ARHGAP19: variants seen among roughly 807,000 people sequenced by gnomAD.
ARHGAP19 encodes rho GTPase-activating protein 19.
ARHGAP19 carries 48 observed loss-of-function variants against 60.9 expected under a neutral mutation model. That is an observed-to-expected ratio of 0.79 (90% confidence interval 0.62 to 1.00). The LOEUF (loss-of-function observed/expected upper bound fraction) is 1.00, where lower values mean the gene tolerates loss of function less well. Ranked by LOEUF, ARHGAP19 falls within the 50% of genes least tolerant of loss-of-function variation. The probability of loss-of-function intolerance (pLI) is 0.00; values close to 1 mark genes in which losing one functional copy is unlikely to be tolerated. For missense variants in ARHGAP19, 562 were observed against 597.2 expected (o/e 0.94, Z 0.61); for synonymous variants, 209 against 215.5 (o/e 0.97, Z 0.27).
At chr10:97,259,192 G>A (rs1008316010) in intron 5 of ARHGAP19, among the ~76,000 whole-genome samples, 2 of 152,166 alleles carry the variant, frequency 1.3e-5, no homozygotes, top group Non-Finnish European at 2.9e-5. Flanking sequence ...TGCCATGTAG[G>A]TTTACCAGAG....
At chr10:97,228,726 C>T (rs542567939) in intron 11 of ARHGAP19, among the ~76,000 whole-genome samples, 10 of 152,252 alleles carry the variant, frequency 6.6e-5, no homozygotes, top group East Asian at 1.9e-4. Context: ...TCCTTAGGCA[C>T]GAGCTGTTGA....
At chr10:97,273,743 C>T (rs1202678393) in intron 1 of ARHGAP19, among the ~76,000 whole-genome samples, 1 of 151,998 alleles carries the variant, frequency 6.6e-6, no homozygotes, top group African/African-American at 2.4e-5. Context: ...CCCACCTTGG[C>T]CTCTCAAAGT....
At chr10:97,292,429 G>T in intron 1 of ARHGAP19, 143 bp downstream of exon 1, 2 of 1,113,634 alleles carry the variant, frequency 1.8e-6, no homozygotes, top group Non-Finnish European at 2.6e-6. Context: ...CCGCGCCTCA[G>T]CCCCCGCAGG....
chr10:97,282,102 G>A (rs570252517), intron 1 of ARHGAP19, among the ~76,000 whole-genome samples: 5 of 152,028 alleles, frequency 3.3e-5, no homozygotes, highest in African/African-American at 1.2e-4. Flanking sequence ...CCCATCTTTC[G>A]AATCTATGTG....
intron 9 of ARHGAP19, among the ~76,000 whole-genome samples, chr10:97,234,678 A>G (rs1286678087): frequency 6.6e-6 from 1 of 152,242 alleles, no homozygotes; most frequent in Non-Finnish European, 1.5e-5. Flanking sequence ...TAGCAGCAAT[A>G]ACATAGAAGC....
At chr10:97,268,010 T>C (rs1316914568) in intron 1 of ARHGAP19, among the ~76,000 whole-genome samples, 1 of 152,258 alleles carries the variant, frequency 6.6e-6, no homozygotes, top group African/African-American at 2.4e-5. Flanking sequence ...CTTGAATTTC[T>C]CTGCAGAAAA....
chr10:97,235,189 G>C, intron 9 of ARHGAP19, 28 bp downstream of exon 9: 1 of 1,546,644 alleles, frequency 6.5e-7, no homozygotes, highest in Non-Finnish European at 8.8e-7. Context: ...AAAAATCAAT[G>C]CTGAAAACGA....
At chr10:97,263,946 T>TA in intron 3 of ARHGAP19, among the ~76,000 whole-genome samples, 1 of 152,238 alleles carries the variant, frequency 6.6e-6, no homozygotes, top group Non-Finnish European at 1.5e-5. Flanking sequence ...AAATAAACTT[T>TA]AAAAAAGCCA....
At chr10:97,239,553 TGTGTGTGTGTGTGTGTG>T (rs1842441849) in intron 8 of ARHGAP19, among the ~76,000 whole-genome samples, 2 of 10,264 alleles carry the variant, frequency 1.9e-4, no homozygotes, top group Non-Finnish European at 6.7e-4. Context: ...AGAGAGAGGG[TGTGTGTGTGTGTGTGTG>T]TGTGTGTGTG....
intron 8 of ARHGAP19, 121 bp from the exon 9 acceptor site, chr10:97,235,436 AT>A: frequency 1.3e-6 from 1 of 796,564 alleles, no homozygotes; most frequent in Non-Finnish European, 1.9e-6. Context: ...GCATAGATGG[AT>A]TAGGAGGTCA....
chr10:97,288,363 T>C (rs1418051136), intron 1 of ARHGAP19, among the ~76,000 whole-genome samples: 1 of 151,904 alleles, frequency 6.6e-6, no homozygotes. Context: ...AGGTGGATCA[T>C]GAGGTCAAGA....
chr10:97,260,934 T>TA (rs757386929), intron 4 of ARHGAP19, among the ~76,000 whole-genome samples: 5,280 of 107,506 alleles, frequency 0.049, 167 homozygotes, highest in Non-Finnish European at 0.069. Flanking sequence ...TCTCTATATT[T>TA]AAAAAAAAAA....
intron 1 of ARHGAP19, among the ~76,000 whole-genome samples, chr10:97,284,845 A>C (rs1024917791): frequency 1.3e-5 from 2 of 151,180 alleles, no homozygotes; most frequent in African/African-American, 2.4e-5. Context: ...GAAAGAAAAA[A>C]AAGCATATAC....
At chr10:97,231,059 C>CAAAAAAAAAAAAAAAAAAAAAAA (rs869291841) in intron 9 of ARHGAP19, among the ~76,000 whole-genome samples, 8 of 59,764 alleles carry the variant, frequency 1.3e-4, no homozygotes, top group Admixed American at 2.7e-4. Flanking sequence ...CTTGTCTCAC[C>CAAAAAAAAAAAAAAAAAAAAAAA]AAAAAAAAAA....
In ARHGAP19 at chr10:97,292,490, G is replaced by A. The variant is rs1456149187; in HGVS notation, c.56+82C>T. The A allele has an allele frequency of 2.0e-6, 3 of 1,520,724 alleles. No homozygotes were observed. The East Asian group carries it at 6.8e-5, about 34-fold the overall frequency. 94.2% of individuals were successfully genotyped at this position (1,520,724 alleles called of 1,614,324 possible). On this transcript the variant is annotated intron_variant, in intron 1 of 11. Transcript: ENST00000358531. ...GAAAGAAACAAAGCCCGAACCGTGC[G>A]CCTCCGTGACCCAAGGCAAAGGCGG...
At chr10:97,259,086 C>G (rs1053394146) in intron 5 of ARHGAP19, among the ~76,000 whole-genome samples, 5 of 152,190 alleles carry the variant, frequency 3.3e-5, no homozygotes, top group African/African-American at 7.2e-5. Context: ...TCCCAAGAAG[C>G]CTTTCCTGTT....
At chr10:97,241,929 G>A (rs1842489048) in intron 8 of ARHGAP19, among the ~76,000 whole-genome samples, 1 of 150,916 alleles carries the variant, frequency 6.6e-6, no homozygotes, top group South Asian at 2.1e-4. Flanking sequence ...AGAATGGCGT[G>A]AACCCAGGAG....
chr10:97,283,483 G>A (rs1324204340), intron 1 of ARHGAP19, among the ~76,000 whole-genome samples: 1 of 151,916 alleles, frequency 6.6e-6, no homozygotes, highest in Admixed American at 6.6e-5. Flanking sequence ...GAACCCAGGA[G>A]ACGGAGGCTG....
chr10:97,252,971 A>G (rs879096879), intron 6 of ARHGAP19, among the ~76,000 whole-genome samples: 1 of 152,204 alleles, frequency 6.6e-6, no homozygotes, highest in South Asian at 2.1e-4. Flanking sequence ...CTATTCCGCC[A>G]TAAAAAAAGA....
Sources: allele counts gnomAD v4.1 joint callset (sites outside exome capture counted in the v4.1 genomes callset), GRCh38; gene constraint gnomAD v4.1.1; transcripts MANE v1.5; gene names NCBI Gene and HGNC (gene_info 2026-07-23, HGNC 2026-07-21).